GRIA1: variants seen among roughly 807,000 people sequenced by gnomAD.
GRIA1 encodes glutamate receptor 1.
In GRIA1, 31 loss-of-function variants were observed where a neutral mutation model predicts 99.2. The ratio of observed to expected loss-of-function variants is 0.31; its 90% CI spans 0.23 to 0.42. The LOEUF is 0.42. GRIA1 is among the 10% of genes least tolerant of loss of function. GRIA1 has a pLI of 1.00. For synonymous variants in GRIA1, 438 were observed against 432.4 expected (o/e 1.01, Z -0.16); for missense variants, 782 against 1,157.5 (o/e 0.68, Z 4.71).
chr5:153,801,085 C>A (rs1765991784), intron 14 of GRIA1, among the ~76,000 whole-genome samples: 1 of 152,242 alleles, frequency 6.6e-6, no homozygotes, highest in Non-Finnish European at 1.5e-5. Flanking sequence ...GAGTATTCTC[C>A]TAGTAGTTAA....
chr5:153,674,412 T>A, intron 5 of GRIA1, 88 bp from the exon 6 acceptor site: 1 of 1,446,036 alleles, frequency 6.9e-7, no homozygotes, highest in Non-Finnish European at 9.6e-7. Context: ...CTGGTGGAAC[T>A]GAATGGAAAA....
At chr5:153,788,564 C>G (rs1765115926) in intron 13 of GRIA1, among the ~76,000 whole-genome samples, 1 of 152,210 alleles carries the variant, frequency 6.6e-6, no homozygotes, top group Non-Finnish European at 1.5e-5. Flanking sequence ...TCTCTCTAGT[C>G]TCCGCTTAAA....
At chr5:153,608,586 T>G (rs1031453955) in intron 2 of GRIA1, among the ~76,000 whole-genome samples, 1 of 152,224 alleles carries the variant, frequency 6.6e-6, no homozygotes, top group African/African-American at 2.4e-5. Context: ...TGGAAAATTT[T>G]TCGTGGTTCT....
intron 2 of GRIA1, among the ~76,000 whole-genome samples, chr5:153,552,747 G>A (rs1760268177): frequency 6.6e-6 from 1 of 152,138 alleles, no homozygotes; most frequent in South Asian, 2.1e-4. Flanking sequence ...CAGGGTCTAA[G>A]GTTTAGCATT....
chr5:153,595,024 A>C (rs1218155471), intron 2 of GRIA1, among the ~76,000 whole-genome samples: 1 of 151,692 alleles, frequency 6.6e-6, no homozygotes, highest in Non-Finnish European at 1.5e-5. Flanking sequence ...AGCTTTCTTC[A>C]CCTTGCTAAG....
At chr5:153,738,442 C>T (rs369216797) in intron 11 of GRIA1, among the ~76,000 whole-genome samples, 7 of 152,088 alleles carry the variant, frequency 4.6e-5, no homozygotes, top group African/African-American at 1.2e-4. Flanking sequence ...CATAAAATAG[C>T]GCTAAATATG....
chr5:153,787,953 G>A (rs577726390), intron 13 of GRIA1, among the ~76,000 whole-genome samples: 26 of 152,160 alleles, frequency 1.7e-4, no homozygotes, highest in Middle Eastern at 3.4e-3. Flanking sequence ...GGTGGCAGGC[G>A]CCTGTAGTCC....
intron 2 of GRIA1, among the ~76,000 whole-genome samples, chr5:153,634,199 T>C (rs1291025364): frequency 6.6e-6 from 1 of 151,556 alleles, no homozygotes; most frequent in African/African-American, 2.4e-5. Flanking sequence ...GCACCTGTAG[T>C]CCCAGCTACT....
At chr5:153,741,134 T>G (rs555395548) in intron 11 of GRIA1, among the ~76,000 whole-genome samples, 1 of 151,844 alleles carries the variant, frequency 6.6e-6, no homozygotes, top group Non-Finnish European at 1.5e-5. Flanking sequence ...CTGCCACCAC[T>G]CCTGGCTAAT....
intron 11 of GRIA1, among the ~76,000 whole-genome samples, chr5:153,719,195 G>T (rs1455968553): frequency 1.3e-5 from 2 of 152,196 alleles, no homozygotes; most frequent in Non-Finnish European, 2.9e-5. Context: ...TCTGGAGTTA[G>T]GCCTGGGCTT....
intron 11 of GRIA1, among the ~76,000 whole-genome samples, chr5:153,714,058 A>C (rs1308850356): frequency 6.6e-6 from 1 of 152,216 alleles, no homozygotes; most frequent in East Asian, 1.9e-4. Flanking sequence ...AGGGAGAGGA[A>C]GGGACATAGC....
rs1753835966 is a variant in GRIA1, at chr5:153,490,746, G to C, written c.-143G>C. The C allele has an allele frequency of 2.7e-6, 2 of 737,592 alleles. No homozygotes were observed. The highest frequency in any genetic ancestry group is 3.1e-5 in the South Asian group (2 of 63,728). The allele number at this position is 737,592 out of a possible 1,614,324, so 45.7% of individuals were successfully genotyped here. A position where few individuals can be genotyped will look rare whatever the true frequency, so the allele number is the denominator to read the frequency against. On this transcript the variant is annotated 5_prime_UTR_variant, in exon 1 of 16. Transcript: ENST00000285900. Reference sequence around the variant, plus strand: ...TCCAAGGGAAACAGACAAACCTCACGAAAGGAAGGAAGCAAGCAAGCAAGG... The same window carrying C: ...TCCAAGGGAAACAGACAAACCTCACCAAAGGAAGGAAGCAAGCAAGCAAGG...
intron 12 of GRIA1, 24 bp from the exon 13 acceptor site, chr5:153,770,144 C>T (rs763945196): frequency 1.2e-6 from 2 of 1,610,500 alleles, no homozygotes; most frequent in Admixed American, 3.3e-5. Context: ...CACTTAATTC[C>T]AGCTTTGTTT....
chr5:153,620,736 A>T (rs1162450131), intron 2 of GRIA1, among the ~76,000 whole-genome samples: 4 of 152,106 alleles, frequency 2.6e-5, no homozygotes, highest in Non-Finnish European at 5.9e-5. Flanking sequence ...GTCTTGGGGG[A>T]TATTAAGGTC....
At chr5:153,715,959 C>T (rs896640256) in intron 11 of GRIA1, among the ~76,000 whole-genome samples, 5 of 152,060 alleles carry the variant, frequency 3.3e-5, no homozygotes, top group African/African-American at 1.2e-4. Context: ...CAGTCCTGGT[C>T]CCTGAATGGA....
At chr5:153,764,690 A>G (rs890098659) in intron 12 of GRIA1, 58 bp downstream of exon 12, 1 of 1,230,306 alleles carries the variant, frequency 8.1e-7, no homozygotes, top group Non-Finnish European at 1.2e-6. Flanking sequence ...ACTGTCATTA[A>G]AATGTCCTTC....
intron 2 of GRIA1, among the ~76,000 whole-genome samples, chr5:153,602,145 G>A (rs1198953422): frequency 6.6e-6 from 1 of 152,162 alleles, no homozygotes; most frequent in Non-Finnish European, 1.5e-5. Context: ...GTCCAACAAT[G>A]ATAGACTGGA....
chr5:153,492,219 C>T, intron 1 of GRIA1: 1 of 1,532,308 alleles, frequency 6.5e-7, no homozygotes, highest in East Asian at 2.4e-5. Context: ...GTACCCATCT[C>T]TTTCAGCCTC....
intron 5 of GRIA1, among the ~76,000 whole-genome samples, chr5:153,658,813 G>A (rs1033277615): frequency 7.2e-5 from 11 of 152,158 alleles, no homozygotes; most frequent in African/African-American, 2.7e-4. Flanking sequence ...CTGTCGGAAT[G>A]CATGAGCTTC....
Sources: allele counts gnomAD v4.1 joint callset (sites outside exome capture counted in the v4.1 genomes callset), GRCh38; gene constraint gnomAD v4.1.1; transcripts MANE v1.5; gene names NCBI Gene and HGNC (gene_info 2026-07-23, HGNC 2026-07-21).